Variants in MCTP2 observed in about 807,000 individuals in gnomAD.
MCTP2 encodes the protein multiple C2 and transmembrane domain-containing protein 2.
In MCTP2, 132 loss-of-function variants were observed where a neutral mutation model predicts 111.6. The observed-to-expected ratio is 1.18, with a 90% CI of 1.03 to 1.37. MCTP2 has a LOEUF of 1.37. MCTP2 is among the 40% of genes most tolerant of loss of function. MCTP2 has a pLI of 0.00. For missense variants in MCTP2, 1,183 were observed against 1,067.9 expected (o/e 1.11, Z -1.50); for synonymous variants, 395 against 387.7 (o/e 1.02, Z -0.22).
chr15:94,422,527 AT>A (rs955651733), intron 17 of MCTP2, among the ~76,000 whole-genome samples: 2 of 152,028 alleles, frequency 1.3e-5, no homozygotes, highest in African/African-American at 4.8e-5. Context: ...ACTCTTCCTA[AT>A]TTTTTTCCAG....
chr15:94,247,735 A>T (rs1211770730), intron 1 of MCTP2, among the ~76,000 whole-genome samples: 1 of 152,192 alleles, frequency 6.6e-6, no homozygotes, highest in Non-Finnish European at 1.5e-5. Flanking sequence ...AGCAATAAAT[A>T]TGTATTACAC....
At chr15:94,243,817 G>GTA (rs1220522468) in intron 1 of MCTP2, among the ~76,000 whole-genome samples, 1 of 145,246 alleles carries the variant, frequency 6.9e-6, no homozygotes, top group Non-Finnish European at 1.5e-5. Flanking sequence ...ATACATATAT[G>GTA]TATACACATA....
At position 94,243,712 on chromosome 15, in the gene MCTP2, T is replaced by C. The variant is rs564030970; in HGVS notation, c.-66+12048T>C. On this transcript the variant is annotated intron_variant, in intron 1 of 22. Transcript: ENST00000357742. Reference sequence around the variant, plus strand: ...ACATACATATGCGTATATACACATATATGTATACACATACATATGTGTATA... The same window carrying C: ...ACATACATATGCGTATATACACATACATGTATACACATACATATGTGTATA... 3.1e-4 allele frequency among the ~76,000 whole-genome samples: 41 copies of C among 131,296 alleles called. 1 individual carries two copies. The South Asian group carries it at 5.8e-3, about 18-fold the overall frequency. The allele number at this position is 131,296 out of a possible 152,430, so 86.1% of individuals were successfully genotyped here.
chr15:94,291,352 C>G (rs2075021587), intron 1 of MCTP2, among the ~76,000 whole-genome samples: 1 of 152,150 alleles, frequency 6.6e-6, no homozygotes, highest in East Asian at 1.9e-4. Context: ...CCTGTAATCC[C>G]AGTGCTTTGG....
chr15:94,417,743 ATAGG>A (rs1042467346), intron 17 of MCTP2, among the ~76,000 whole-genome samples: 18 of 152,110 alleles, frequency 1.2e-4, no homozygotes, highest in African/African-American at 4.3e-4. Context: ...AATTAAGCAA[ATAGG>A]TAGTCTATCT....
chr15:94,333,411 CTT>C (rs921987166), intron 4 of MCTP2, among the ~76,000 whole-genome samples: 132 of 151,710 alleles, frequency 8.7e-4, no homozygotes, highest in African/African-American at 3.2e-3. Context: ...TTTTTAAAAA[CTT>C]TTTTTTAAAA....
At chr15:94,337,679 G>GTA (rs1207808032) in intron 4 of MCTP2, among the ~76,000 whole-genome samples, 1 of 152,042 alleles carries the variant, frequency 6.6e-6, no homozygotes, top group African/African-American at 2.4e-5. Flanking sequence ...GTGTGTGTGT[G>GTA]TGTGTGCGCG....
chr15:94,246,478 C>T (rs1176774225), intron 1 of MCTP2, among the ~76,000 whole-genome samples: 3 of 152,170 alleles, frequency 2.0e-5, no homozygotes, highest in Non-Finnish European at 4.4e-5. Context: ...GCTGCAGTGG[C>T]TGATGCTCTT....
intron 1 of MCTP2, among the ~76,000 whole-genome samples, chr15:94,269,648 A>C (rs1256484397): frequency 6.6e-6 from 1 of 152,202 alleles, no homozygotes; most frequent in Non-Finnish European, 1.5e-5. Context: ...CTAGTATTTC[A>C]TGTTAGGAAA....
At chr15:94,268,446 C>T (rs2073716999) in intron 1 of MCTP2, among the ~76,000 whole-genome samples, 1 of 151,950 alleles carries the variant, frequency 6.6e-6, no homozygotes, top group Non-Finnish European at 1.5e-5. Flanking sequence ...CCTGCCTCGG[C>T]CTCCCAAAGT....
intron 20 of MCTP2, among the ~76,000 whole-genome samples, chr15:94,469,929 A>G (rs76114750): frequency 0.022 from 3,413 of 152,304 alleles, 119 homozygotes; most frequent in African/African-American, 0.077. Flanking sequence ...AAAGGTTACC[A>G]TAATTACTAG....
intron 7 of MCTP2, chr15:94,342,094 G>C (rs2077674428): frequency 6.6e-6 from 1 of 152,068 alleles, no homozygotes; most frequent in African/African-American, 2.4e-5. Flanking sequence ...TTGACAACTT[G>C]CCAGCTGATA....
chr15:94,457,980 G>A (rs895208954), intron 19 of MCTP2, among the ~76,000 whole-genome samples, 157 bp from the exon 20 acceptor site: 1 of 140,196 alleles, frequency 7.1e-6, no homozygotes, highest in Non-Finnish European at 1.5e-5. Flanking sequence ...AGATTTTTCT[G>A]GGGGGGGAGT....
chr15:94,386,672 T>C (rs2152457835), intron 14 of MCTP2, among the ~76,000 whole-genome samples: 1 of 152,270 alleles, frequency 6.6e-6, no homozygotes, highest in Non-Finnish European at 1.5e-5. Flanking sequence ...TTGTCAGTTA[T>C]TCCCATGAGA....
intron 19 of MCTP2, among the ~76,000 whole-genome samples, chr15:94,454,020 C>T (rs1271598236): frequency 6.6e-6 from 1 of 152,156 alleles, no homozygotes; most frequent in African/African-American, 2.4e-5. Flanking sequence ...TTTCATCGTA[C>T]ATATATGAAA....
At chr15:94,300,018 CAA>C (rs2075524546) in intron 2 of MCTP2, among the ~76,000 whole-genome samples, 1 of 152,022 alleles carries the variant, frequency 6.6e-6, no homozygotes, top group Admixed American at 6.6e-5. Flanking sequence ...TTCTTTTAAA[CAA>C]AATGCAAATG....
At chr15:94,249,739 C>T (rs536327434) in intron 1 of MCTP2, among the ~76,000 whole-genome samples, 66 of 152,216 alleles carry the variant, frequency 4.3e-4, no homozygotes, top group African/African-American at 1.5e-3. Flanking sequence ...CCCACCTCAG[C>T]CTCCCAAAGT....
intron 17 of MCTP2, among the ~76,000 whole-genome samples, chr15:94,411,250 C>G (rs1412132213): frequency 6.7e-6 from 1 of 150,094 alleles, no homozygotes; most frequent in Non-Finnish European, 1.5e-5. Flanking sequence ...GAAGAACATG[C>G]TCAGCACTTA....
chr15:94,310,103 A>T (rs1025001861), intron 2 of MCTP2, among the ~76,000 whole-genome samples: 4 of 152,244 alleles, frequency 2.6e-5, no homozygotes, highest in Admixed American at 2.0e-4. Flanking sequence ...CAATCAATAG[A>T]TAGTACATCC....
Sources: allele counts gnomAD v4.1 joint callset (sites outside exome capture counted in the v4.1 genomes callset), GRCh38; gene constraint gnomAD v4.1.1; transcripts MANE v1.5; gene names NCBI Gene and HGNC (gene_info 2026-07-23, HGNC 2026-07-21).